Variants in ATP6V1B1 observed in about 807,000 individuals in gnomAD.
ATP6V1B1 encodes ATPase H+ transporting V1 subunit B1.
A neutral mutation model predicts 62.1 loss-of-function variants in ATP6V1B1; 41 were observed. That is an observed-to-expected ratio of 0.66 (90% confidence interval 0.51 to 0.86). The LOEUF is 0.86. ATP6V1B1 is among the 40% of genes least tolerant of loss of function. The pLI is 0.00. For synonymous variants in ATP6V1B1, 253 were observed against 273.4 expected (o/e 0.93, Z 0.74); for missense variants, 651 against 697.5 (o/e 0.93, Z 0.75).
chr2:70,961,041 C>A lies in ATP6V1B1; in HGVS notation c.687+19C>A, dbSNP rs370336665. Reference sequence around the variant, plus strand: ...CATGGGGGTGAGGAGACTTAGTAGACTGGCAAGTTCTGGAGGCTGTGAGCA... The same window carrying A: ...CATGGGGGTGAGGAGACTTAGTAGAATGGCAAGTTCTGGAGGCTGTGAGCA... On this transcript the variant is annotated intron_variant, in intron 7 of 13. Transcript: ENST00000234396. 6 of 1,558,822 alleles carry A rather than the reference C, an allele frequency of 3.8e-6. No individual in the cohort carries two copies. In the African/African-American group the frequency reaches 4.1e-5, roughly 11 times the overall value.
rs1553420749 is a variant in ATP6V1B1, at chr2:70,964,731, C to T, written c.1249-5C>T. The T allele has an allele frequency of 1.2e-6, 2 of 1,613,578 alleles. No homozygotes were observed. Among genetic ancestry groups the T allele is most frequent in the East Asian group, 2.2e-5 (1 of 44,886 alleles). On this transcript the variant is annotated splice_region_variant and splice_polypyrimidine_tract_variant and intron_variant, in intron 12 of 13. Transcript: ENST00000234396. The stretch of plus-strand genomic sequence containing the variant: ...GCGGCCACCGACGCCTTGCCCCTCC[C>T]CCAGTACGCCTGCTATGCCATCGGG...
intron 2 of ATP6V1B1, among the ~76,000 whole-genome samples, chr2:70,952,942 T>C (rs1680354444): frequency 1.3e-5 from 2 of 152,198 alleles, no homozygotes; most frequent in Non-Finnish European, 2.9e-5. Flanking sequence ...CATCGTATCA[T>C]TGAATATCAT....
intron 2 of ATP6V1B1, among the ~76,000 whole-genome samples, chr2:70,953,552 TTTC>T (rs1278644280): frequency 6.6e-6 from 1 of 152,208 alleles, no homozygotes; most frequent in Non-Finnish European, 1.5e-5. Context: ...TTTATCTTCA[TTTC>T]TTTTCTTTAC....
chr2:70,958,036 C>T lies in ATP6V1B1; in HGVS notation c.175-10C>T, dbSNP rs573577810. 3 of 1,613,072 alleles carry T rather than the reference C, an allele frequency of 1.9e-6. No homozygotes were observed. The highest frequency in any genetic ancestry group is 2.2e-5 in the South Asian group (2 of 90,746). On this transcript the variant is annotated splice_polypyrimidine_tract_variant and intron_variant, in intron 2 of 13. Coordinates refer to ENST00000234396, the MANE Select transcript of ATP6V1B1 (RefSeq NM_001692.4). The stretch of plus-strand genomic sequence containing the variant: ...CTCACTGTCACGTGGCTGCTCTCCC[C>T]TCCTGCCAGTTTGCCCAGTATGCGG...
chr2:70,956,905 T>C (rs978218004), intron 2 of ATP6V1B1, among the ~76,000 whole-genome samples: 2 of 152,052 alleles, frequency 1.3e-5, no homozygotes, highest in Non-Finnish European at 2.9e-5. Flanking sequence ...ATTATAGCCA[T>C]CCTAGAGTGT....
chr2:70,943,906 T>C (rs1680078666), intron 2 of ATP6V1B1, 193 bp downstream of exon 2: 41 of 844,258 alleles, frequency 4.9e-5, no homozygotes, highest in Non-Finnish European at 5.7e-5. Flanking sequence ...TTCTCCTCCC[T>C]GCCTTTTCAG....
At chr2:70,962,736 C>T (rs1405531416) in intron 8 of ATP6V1B1, 41 bp from the exon 9 acceptor site, 3 of 1,610,648 alleles carry the variant, frequency 1.9e-6, no homozygotes, top group African/African-American at 2.7e-5. Flanking sequence ...GTGCATTAGC[C>T]CAGGCCTCCA....
chr2:70,959,948 T>C lies in ATP6V1B1; in HGVS notation c.455T>C (p.Ile152Thr). 6.2e-7 allele frequency: 1 copy of C among 1,614,152 alleles called. No homozygotes were observed. Among genetic ancestry groups the C allele is most frequent in the Non-Finnish European group, 8.5e-7 (1 of 1,180,020 alleles). ...EDFLDINGQP[I>T]NPHSRIYPEE... ...GATCGCCCTCTCCCAGGCCAGCCCA[T>C]CAACCCGCACTCCCGCATCTACCCC... Residue 152 changes from isoleucine to threonine, a missense_variant, in exon 6 of 14, where the codon ATC becomes ACC. Ile to Thr is a moderately conservative substitution (Grantham distance 89). Transcript: ENST00000234396. The surrounding 1 kb of genome is among the most constrained non-coding windows in gnomAD (Gnocchi z 4.2).
rs1457384720 is a variant in ATP6V1B1 at position 70,940,912 on chromosome 2, T to C, written c.119-2746T>C. ...TTTTTTTCTTTTTTCTTTTTCTTTTTCTTTTTTTTTTTTTTTTTTGAGACA... is the reference window on the plus strand; with the variant it reads ...TTTTTTTCTTTTTTCTTTTTCTTTTCCTTTTTTTTTTTTTTTTTTGAGACA... On this transcript the variant is annotated intron_variant, in intron 1 of 13. Transcript: ENST00000234396. 3.5e-4 allele frequency: 104 copies of C among 297,458 alleles called. 1 individual carries two copies. In the African/African-American group the frequency reaches 4.4e-3, roughly 12 times the overall value. 18.4% of individuals were successfully genotyped at this position (297,458 alleles called of 1,614,324 possible). A position where few individuals can be genotyped will look rare whatever the true frequency, so the allele number is the denominator to read the frequency against.
At position 70,960,072 on chromosome 2, in the gene ATP6V1B1, C is replaced by T; in HGVS notation, c.579C>T (p.His193=). The change falls in exon 6 of 14, where the codon CAC becomes CAT. Residue 193 remains histidine, a synonymous_variant. Coordinates refer to ENST00000234396, the MANE Select transcript of ATP6V1B1 (RefSeq NM_001692.4). Reference sequence around the variant, plus strand: ...TCTTCTCAGCAGCCGGGCTCCCCCACAATGAGGTGAGGCCTGCAGGGCCAG... The same window carrying T: ...TCTTCTCAGCAGCCGGGCTCCCCCATAATGAGGTGAGGCCTGCAGGGCCAG... ...IPIFSAAGLP[H]NEIAAQICRQ... 2 of 1,614,200 alleles carry T rather than the reference C, an allele frequency of 1.2e-6. No individual in the cohort carries two copies. The highest frequency in any genetic ancestry group is 1.7e-6 in the Non-Finnish European group (2 of 1,180,044).
intron 1 of ATP6V1B1, among the ~76,000 whole-genome samples, chr2:70,937,561 G>A (rs1553415679): frequency 6.6e-6 from 1 of 151,930 alleles, no homozygotes; most frequent in East Asian, 1.9e-4. Flanking sequence ...CAGTGACTGG[G>A]CCCCCTTGGG....
At chr2:70,944,366 A>G in intron 2 of ATP6V1B1, 1 of 544,406 alleles carries the variant, frequency 1.8e-6, no homozygotes, top group Non-Finnish European at 2.7e-6. Flanking sequence ...GCAAAGGTAC[A>G]AGATCACTCT....
intron 2 of ATP6V1B1, among the ~76,000 whole-genome samples, chr2:70,944,963 A>G (rs1280818977): frequency 6.6e-6 from 1 of 152,084 alleles, no homozygotes; most frequent in Non-Finnish European, 1.5e-5. Context: ...CACCGTGCCC[A>G]GCTGCTTACA....
rs185226685 is a variant in ATP6V1B1 at position 70,958,249 on chromosome 2, G to A, written c.274-84G>A. The A allele has an allele frequency of 7.6e-5, 121 of 1,591,342 alleles. No individual in the cohort carries two copies. In the African/African-American group the frequency reaches 1.5e-3, roughly 19 times the overall value. On this transcript the variant is annotated intron_variant, in intron 3 of 13. Transcript: ENST00000234396. The stretch of plus-strand genomic sequence containing the variant: ...AAGGCAGGAAATGGTCTATTTCCCT[G>A]AGAGCACAGAAAGTGCCCAGAATGG...
intron 2 of ATP6V1B1, among the ~76,000 whole-genome samples, chr2:70,954,901 G>A (rs1680399758): frequency 1.3e-5 from 2 of 152,342 alleles, no homozygotes; most frequent in South Asian, 4.1e-4. Context: ...TTTCCGGGAA[G>A]AAGGTGCAGG....
At chr2:70,952,245 T>C (rs1166619117) in intron 2 of ATP6V1B1, among the ~76,000 whole-genome samples, 4 of 151,990 alleles carry the variant, frequency 2.6e-5, no homozygotes, top group Non-Finnish European at 5.9e-5. Flanking sequence ...GCAGATCACC[T>C]GAGGTCAGGA....
chr2:70,959,984 T>C lies in ATP6V1B1; in HGVS notation c.491T>C (p.Ile164Thr). 6.2e-7 allele frequency: 1 copy of C among 1,614,192 alleles called. No homozygotes were observed. The highest frequency in any genetic ancestry group is 8.5e-7 in the Non-Finnish European group (1 of 1,180,038). ...TCCCGCATCTACCCCGAGGAGATGA[T>C]TCAGACGGGCATTTCTCCTATTGAC... ...PHSRIYPEEMIQTGISPIDVM... is the reference protein window; with the variant it reads ...PHSRIYPEEMTQTGISPIDVM... Residue 164 changes from isoleucine (I) to threonine (T), a missense_variant, in exon 6 of 14, where the codon ATT becomes ACT. Transcript: ENST00000234396. The surrounding 1 kb of genome is among the most constrained non-coding windows in gnomAD (Gnocchi z 4.2).
chr2:70,961,462 T>C, intron 7 of ATP6V1B1, 134 bp from the exon 8 acceptor site: 2 of 905,752 alleles, frequency 2.2e-6, no homozygotes, highest in East Asian at 5.0e-5. Context: ...GGTCACCCCA[T>C]GGCCTTGGTG....
At chr2:70,941,608 CCTT>C (rs782769433) in intron 1 of ATP6V1B1, 24 of 814,024 alleles carry the variant, frequency 2.9e-5, no homozygotes, top group Non-Finnish European at 3.3e-5. Context: ...TGCTCTGTAT[CCTT>C]CTTTTAGCCT....
Sources: allele counts gnomAD v4.1 joint callset (sites outside exome capture counted in the v4.1 genomes callset), GRCh38; gene constraint gnomAD v4.1.1; non-coding constraint Gnocchi (gnomAD v3.1); transcripts MANE v1.5; gene names NCBI Gene and HGNC (gene_info 2026-07-23, HGNC 2026-07-21).